Variants in AZIN2 observed in about 807,000 individuals in gnomAD.
The protein encoded by AZIN2 is antizyme inhibitor 2, also known as ODC antizyme inhibitor-2.
A neutral mutation model predicts 47.8 loss-of-function variants in AZIN2; 28 were observed. That is an observed-to-expected ratio of 0.59 (90% CI 0.43 to 0.80). The LOEUF (loss-of-function observed/expected upper bound fraction) is 0.80, where lower values mean the gene tolerates loss of function less well. Among genes scored for constraint, AZIN2 ranks in the 30% least tolerant of loss-of-function variants. The pLI, the probability that AZIN2 is intolerant of heterozygous loss-of-function variation, is 0.00. For synonymous variants in AZIN2, 221 were observed against 239.4 expected, an observed-to-expected ratio of 0.92 and a Z score of 0.71; for missense variants, 535 against 582.5, an observed-to-expected ratio of 0.92 and a Z score of 0.84.
chr1:33,093,121 G>A, intron 6 of AZIN2, 161 bp from the exon 7 acceptor site: 5 of 878,838 alleles, frequency 5.7e-6, no homozygotes, highest in Middle Eastern at 3.5e-4. Context: ...GGATTGGACA[G>A]GACTTGAAGG....
the AZIN2 span, among the ~76,000 whole-genome samples, chr1:33,139,061 G>A: frequency 6.6e-6 from 1 of 152,236 alleles, no homozygotes; most frequent in Non-Finnish European, 1.5e-5. Context: ...GGGGAAGAAG[G>A]AGAATGAGAA....
chr1:33,084,579 C>T lies in AZIN2; in HGVS notation c.279+452C>T, dbSNP rs1005551228. On this transcript the variant is annotated intron_variant, in intron 5 of 11. Coordinates refer to ENST00000294517, the MANE Select transcript of AZIN2 (RefSeq NM_052998.4). ...TGATTTCTGCTGTTGTCTTCATTCC[C>T]TCCTGCTCTCTTTAGATTTATTTTT... Among the ~76,000 whole-genome samples, 24 of 152,104 alleles carry T rather than the reference C, an allele frequency of 1.6e-4. No homozygotes were observed. In the East Asian group the frequency reaches 3.1e-3, roughly 20 times the overall value.
downstream of AZIN2, among the ~76,000 whole-genome samples, chr1:33,126,346 G>GT (rs1644856600): frequency 6.6e-6 from 1 of 152,134 alleles, no homozygotes; most frequent in Non-Finnish European, 1.5e-5. Flanking sequence ...AAGAACTACT[G>GT]ATCACAATGT....
chr1:33,109,327 CTTT>C (rs1231170138), intron 10 of AZIN2, among the ~76,000 whole-genome samples: 2 of 138,000 alleles, frequency 1.4e-5, no homozygotes, highest in Non-Finnish European at 1.6e-5. Context: ...TTTTCTTTTT[CTTT>C]TTTTTTTTTT....
At chr1:33,110,626 C>T (rs1426316734) in intron 10 of AZIN2, among the ~76,000 whole-genome samples, 14 of 151,780 alleles carry the variant, frequency 9.2e-5, no homozygotes, top group Non-Finnish European at 1.5e-5. Context: ...ATATTAGAGA[C>T]AACAGAAGAG....
At position 33,081,986 on chromosome 1, in the gene AZIN2, G is replaced by A. The variant is rs1641312880; in HGVS notation, c.-73+174G>A. ...GGAGCAACTGACTCGGAGAGGCAGT[G>A]ACATTTGGGCATACGGTGCCTTGTC... On this transcript the variant is annotated intron_variant, in intron 3 of 11. Coordinates refer to ENST00000294517, the MANE Select transcript of AZIN2 (RefSeq NM_052998.4). This position sits in a 1 kb window ranked among gnomAD's most constrained non-coding sequence, Gnocchi z 4.2. The A allele has an allele frequency of 6.1e-6, 3 of 488,216 alleles. No homozygotes were observed. The highest frequency in any genetic ancestry group is 5.9e-5 in the African/African-American group (3 of 50,726). 30.2% of individuals were successfully genotyped at this position (488,216 alleles called of 1,614,324 possible).
the AZIN2 span, chr1:33,165,563 C>A: frequency 6.2e-7 from 1 of 1,605,828 alleles, no homozygotes; most frequent in East Asian, 2.3e-5. This position sits in a 1 kb window ranked among gnomAD's most constrained non-coding sequence, Gnocchi z 4.0. Flanking sequence ...TCCTTCAGCT[C>A]CCTCTGAAAC....
chr1:33,139,258 A>G, the AZIN2 span, among the ~76,000 whole-genome samples: 1 of 152,042 alleles, frequency 6.6e-6, no homozygotes, highest in Non-Finnish European at 1.5e-5. Context: ...GGGAGGGGTT[A>G]TCTCTGGTCT....
At chr1:33,147,660 G>A in the AZIN2 span, 1 of 1,613,932 alleles carries the variant, frequency 6.2e-7, no homozygotes, top group Non-Finnish European at 8.5e-7. This position sits in a 1 kb window ranked among gnomAD's most constrained non-coding sequence, Gnocchi z 8.1. Flanking sequence ...AAGCCACAAT[G>A]GTGCAGTCGT....
chr1:33,161,137 GTGT>G, the AZIN2 span, among the ~76,000 whole-genome samples: 3 of 152,204 alleles, frequency 2.0e-5, 1 homozygote, highest in Non-Finnish European at 2.9e-5. This position sits in a 1 kb window ranked among gnomAD's most constrained non-coding sequence, Gnocchi z 4.3. Flanking sequence ...AAATGAGGGG[GTGT>G]TGTTGTGCGC....
At chr1:33,084,148 G>A (rs372522782) in intron 5 of AZIN2, 21 bp downstream of exon 5, 1 of 1,604,460 alleles carries the variant, frequency 6.2e-7, no homozygotes, top group South Asian at 1.1e-5. Context: ...CCCGCACGGT[G>A]CACTGACCCT....
At chr1:33,128,369 C>A (rs1006660628), downstream of AZIN2, among the ~76,000 whole-genome samples, 1 of 152,104 alleles carries the variant, frequency 6.6e-6, no homozygotes, top group Admixed American at 6.6e-5. Context: ...AGAGTGAGAC[C>A]TCGTCTCCAA....
At chr1:33,093,477 A>T in intron 7 of AZIN2, 61 bp downstream of exon 7, 1 of 1,580,620 alleles carries the variant, frequency 6.3e-7, no homozygotes, top group Non-Finnish European at 8.6e-7. Flanking sequence ...CTTTCCCAGG[A>T]ATTAATTCTA....
downstream of AZIN2, among the ~76,000 whole-genome samples, chr1:33,126,970 C>A (rs1038987982): frequency 2.0e-5 from 3 of 152,214 alleles, no homozygotes; most frequent in Admixed American, 2.0e-4. Flanking sequence ...AGTCCCTGTA[C>A]GCTGCATGTC....
At chr1:33,095,261 T>A (rs1643026077) in intron 8 of AZIN2, among the ~76,000 whole-genome samples, 1 of 152,236 alleles carries the variant, frequency 6.6e-6, no homozygotes, top group African/African-American at 2.4e-5. Context: ...ACAGAAATGA[T>A]TTGGGATAGT....
At chr1:33,155,731 T>A in the AZIN2 span, among the ~76,000 whole-genome samples, 175 of 152,334 alleles carry the variant, frequency 1.1e-3, 1 homozygote, top group Admixed American at 0.011. Context: ...CACTTCTCTA[T>A]CCAGGTCTCT....
chr1:33,160,001 G>C, the AZIN2 span: 2 of 1,572,696 alleles, frequency 1.3e-6, no homozygotes, highest in Non-Finnish European at 8.6e-7. Flanking sequence ...GTGATCTCTG[G>C]GTGAGAGGAG....
chr1:33,160,082 T>A, the AZIN2 span: 1 of 1,088,766 alleles, frequency 9.2e-7, no homozygotes, highest in Non-Finnish European at 1.3e-6. Flanking sequence ...AAATGTCACA[T>A]GCAAAAGCAT....
At chr1:33,106,928 G>A (rs893243900) in intron 10 of AZIN2, among the ~76,000 whole-genome samples, 1 of 152,194 alleles carries the variant, frequency 6.6e-6, no homozygotes, top group African/African-American at 2.4e-5. Context: ...AGAAATAAAA[G>A]TCATCCAAAT....
Sources: allele counts gnomAD v4.1 joint callset (sites outside exome capture counted in the v4.1 genomes callset), GRCh38; gene constraint gnomAD v4.1.1; non-coding constraint Gnocchi (gnomAD v3.1); transcripts MANE v1.5; gene names NCBI Gene and HGNC (gene_info 2026-07-23, HGNC 2026-07-21).